The following ZRANB2 variants were observed in gnomAD, a reference collection of about 807,000 sequenced individuals.
ZRANB2 encodes zinc finger Ran-binding domain-containing protein 2.
In ZRANB2, 19 loss-of-function variants were observed where a neutral mutation model predicts 53.4. The ratio of observed to expected loss-of-function variants is 0.36; its 90% CI spans 0.25 to 0.52. The LOEUF (loss-of-function observed/expected upper bound fraction) is 0.52. Among genes scored for constraint, ZRANB2 ranks in the 20% least tolerant of loss-of-function variants. ZRANB2 has a pLI of 0.93. For synonymous variants in ZRANB2, 145 were observed against 134.8 expected (o/e 1.08, Z -0.52); for missense variants, 309 against 401.1 (o/e 0.77, Z 1.96).
rs189523615 is a variant in ZRANB2, at chr1:71,074,019, T to C, written c.302-1471A>G. On this transcript the variant is annotated intron_variant, in intron 4 of 9. Coordinates refer to ENST00000370920, the MANE Select transcript of ZRANB2 (RefSeq NM_203350.3). Reference sequence around the variant, plus strand: ...TAATTTCAAGCACTTCAGATAATGCTGTATAAATTGGTTTTATTTCCACTC... The same window carrying C: ...TAATTTCAAGCACTTCAGATAATGCCGTATAAATTGGTTTTATTTCCACTC... 1.2e-4 allele frequency among the ~76,000 whole-genome samples: 19 copies of C among 152,272 alleles called. No homozygotes were observed. In the East Asian group the frequency reaches 3.5e-3, roughly 28 times the overall value.
chr1:71,069,198 G>T, intron 8 of ZRANB2, 78 bp downstream of exon 8: 1 of 1,193,022 alleles, frequency 8.4e-7, no homozygotes, highest in South Asian at 1.6e-5. Context: ...CAAAATAAGG[G>T]GAAAAAAAGC....
rs1661364426 is a variant in ZRANB2 at position 71,064,010 on chromosome 1, GATTTTA to G, written c.*1058_*1063del. The G allele has an allele frequency of 6.6e-6, 1 of 152,326 alleles. No homozygotes were observed. The highest frequency in any genetic ancestry group is 1.5e-5 in the Non-Finnish European group (1 of 67,850). The allele number at this position is 152,326 out of a possible 1,614,324, so 9.4% of individuals were successfully genotyped here. On this transcript the variant is annotated 3_prime_UTR_variant, in exon 10 of 10. Transcript: ENST00000370920. The stretch of plus-strand genomic sequence containing the variant: ...AAACAAACTAAAGCTCATGTGACCA[GATTTTA>G]ATTTTGAGAAATAAACTCCAAAAGC...
intron 4 of ZRANB2, among the ~76,000 whole-genome samples, chr1:71,075,828 C>T (rs572331410): frequency 1.4e-5 from 2 of 142,954 alleles, no homozygotes; most frequent in Admixed American, 7.2e-5. Context: ...TTGAAAGTGG[C>T]GGTTGGGCTG....
At chr1:71,079,496 T>C (rs74090258) in intron 1 of ZRANB2, among the ~76,000 whole-genome samples, 1,727 of 152,292 alleles carry the variant, frequency 0.011, 37 homozygotes, top group African/African-American at 0.039. Flanking sequence ...TATACTAGAA[T>C]ACAATACAGA....
At chr1:71,072,959 T>G (rs1403914569) in intron 4 of ZRANB2, among the ~76,000 whole-genome samples, 1 of 152,122 alleles carries the variant, frequency 6.6e-6, no homozygotes, top group Non-Finnish European at 1.5e-5. Context: ...TGAAATCTTC[T>G]GATATTCTGA....
chr1:71,072,798 C>A (rs971808651), intron 4 of ZRANB2, among the ~76,000 whole-genome samples: 5 of 152,078 alleles, frequency 3.3e-5, no homozygotes, highest in Non-Finnish European at 7.4e-5. Flanking sequence ...TTATTTAATT[C>A]ATAGAAAGTA....
intron 4 of ZRANB2, among the ~76,000 whole-genome samples, chr1:71,076,314 G>A (rs898669594): frequency 2.0e-5 from 3 of 152,116 alleles, no homozygotes; most frequent in Admixed American, 6.6e-5. Flanking sequence ...GAAACCCACC[G>A]CCAAATAACT....
At chr1:71,067,022 C>T (rs918048488) in intron 8 of ZRANB2, 88 bp from the exon 9 acceptor site, 11 of 1,320,542 alleles carry the variant, frequency 8.3e-6, no homozygotes, top group Non-Finnish European at 1.1e-5. Context: ...CAAAAATAAA[C>T]AGGATTTATA....
chr1:71,069,217 C>A, intron 8 of ZRANB2, 59 bp downstream of exon 8: 1 of 1,405,944 alleles, frequency 7.1e-7, no homozygotes, highest in Non-Finnish European at 9.8e-7. Flanking sequence ...GCAGCAACAC[C>A]TTCTGCAGCC....
intron 1 of ZRANB2, among the ~76,000 whole-genome samples, chr1:71,080,106 G>C (rs1456741273): frequency 6.6e-6 from 1 of 152,032 alleles, no homozygotes; most frequent in African/African-American, 2.4e-5. Context: ...CCTATTTGTG[G>C]CTAACTTAGG....
intron 1 of ZRANB2, among the ~76,000 whole-genome samples, chr1:71,079,938 T>A (rs1661799808): frequency 6.6e-6 from 1 of 152,178 alleles, no homozygotes; most frequent in Non-Finnish European, 1.5e-5. Context: ...TAGCCACCAA[T>A]TAGAATTTGC....
Position 71,073,041 on chromosome 1 carries a change from A to G in ZRANB2, c.302-493T>C, listed in dbSNP as rs551325560. On this transcript the variant is annotated intron_variant, in intron 4 of 9. Transcript: ENST00000370920. ...ATTCCTAATTACACAGACAAACACA[A>G]TAACACAATAAAGGCCATCCTTTGG... 3.9e-5 allele frequency among the ~76,000 whole-genome samples: 6 copies of G among 152,224 alleles called. No homozygotes were observed. The South Asian group carries it at 1.2e-3, about 31-fold the overall frequency.
intron 9 of ZRANB2, chr1:71,065,731 AGT>A: frequency 6.2e-7 from 1 of 1,612,780 alleles, no homozygotes; most frequent in Non-Finnish European, 8.5e-7. Flanking sequence ...AGGGTTGTTT[AGT>A]GTTTTCACCA....
chr1:71,071,296 G>A (rs1249522423), intron 6 of ZRANB2, among the ~76,000 whole-genome samples: 1 of 151,972 alleles, frequency 6.6e-6, no homozygotes, highest in East Asian at 1.9e-4. Context: ...ACCATTTTTA[G>A]TCTTAGACAC....
At position 71,064,802 on chromosome 1, in the gene ZRANB2, G is replaced by C. The variant is rs1323832682; in HGVS notation, c.*272C>G. ...GACAAAAATGGGTTTAAATTAGGAA[G>C]CAAAGTACTTTGTTATAGCTGAAAT... On this transcript the variant is annotated 3_prime_UTR_variant, in exon 10 of 10. Transcript: ENST00000370920. The C allele has an allele frequency of 7.6e-6, 2 of 263,382 alleles. No individual in the cohort carries two copies. Among genetic ancestry groups the C allele is most frequent in the Non-Finnish European group, 7.2e-6 (1 of 138,882 alleles). 16.3% of individuals were successfully genotyped at this position (263,382 alleles called of 1,614,324 possible).
chr1:71,066,994 TTAG>T, intron 8 of ZRANB2, 60 bp from the exon 9 acceptor site: 1 of 1,482,390 alleles, frequency 6.7e-7, no homozygotes, highest in Non-Finnish European at 9.0e-7. Context: ...GGAAGATTAT[TTAG>T]TTATCAGATA....
intron 8 of ZRANB2, chr1:71,067,182 A>G: frequency 3.3e-6 from 1 of 306,674 alleles, no homozygotes; most frequent in Non-Finnish European, 5.9e-6. Flanking sequence ...TACTATATCA[A>G]AATAGAATTT....
intron 3 of ZRANB2, 47 bp from the exon 4 acceptor site, chr1:71,076,924 A>C: frequency 7.5e-7 from 1 of 1,339,906 alleles, no homozygotes. Context: ...ATATAGATGA[A>C]TATCAAATTT....
chr1:71,074,650 T>C (rs1288872603), intron 4 of ZRANB2, among the ~76,000 whole-genome samples: 5 of 147,048 alleles, frequency 3.4e-5, no homozygotes, highest in African/African-American at 4.8e-5. Context: ...CCATTATCTT[T>C]AATGGTTTTT....
Sources: gnomAD v4.1 joint callset for allele counts (sites outside exome capture counted in the v4.1 genomes callset) on GRCh38, gnomAD v4.1.1 for gene constraint, MANE v1.5 for transcripts, NCBI Gene and HGNC (gene_info 2026-07-23, HGNC 2026-07-21) for gene names.